TPRG1: variants seen among roughly 807,000 people sequenced by gnomAD.
TPRG1 encodes tumor protein p63 regulated 1.
TPRG1 carries 29 observed loss-of-function variants against 29.3 expected under a neutral mutation model. That is an observed-to-expected ratio of 0.99 (90% CI 0.74 to 1.35). TPRG1 has a LOEUF of 1.35. TPRG1 is among the 40% of genes most tolerant of loss of function. TPRG1 has a pLI of 0.00. For synonymous variants in TPRG1, 130 were observed against 116.8 expected (o/e 1.11, Z -0.73); for missense variants, 327 against 335.0 (o/e 0.98, Z 0.19).
Position 189,321,540 on chromosome 3 carries a change from A to G in TPRG1, c.*720A>G, listed in dbSNP as rs1724319011. ...ACTTGAAGCTCATTCTCTTATCAAAATTGTTCATGTATTCCTCCTTTCCAT... is the reference window on the plus strand; with the variant it reads ...ACTTGAAGCTCATTCTCTTATCAAAGTTGTTCATGTATTCCTCCTTTCCAT... On this transcript the variant is annotated 3_prime_UTR_variant, in exon 6 of 6. Transcript: ENST00000345063. 6.6e-6 allele frequency: 1 copy of G among 152,024 alleles called. No individual in the cohort carries two copies. The highest frequency in any genetic ancestry group is 1.5e-5 in the Non-Finnish European group (1 of 67,986). The allele number at this position is 152,024 out of a possible 1,614,324, so 9.4% of individuals were successfully genotyped here.
intron 4 of TPRG1, among the ~76,000 whole-genome samples, chr3:189,273,990 G>T (rs1229963959): frequency 6.6e-6 from 1 of 150,954 alleles, no homozygotes; most frequent in African/African-American, 2.5e-5. Context: ...TGGAAATAAT[G>T]TTGTATTTGT....
At chr3:189,281,958 G>A (rs1717213928) in intron 4 of TPRG1, among the ~76,000 whole-genome samples, 1 of 151,962 alleles carries the variant, frequency 6.6e-6, no homozygotes, top group Non-Finnish European at 1.5e-5. Flanking sequence ...TCAGCTCACT[G>A]CAACCTCTGC....
intron 3 of TPRG1, among the ~76,000 whole-genome samples, chr3:189,144,051 C>T (rs572491690): frequency 2.0e-5 from 3 of 152,342 alleles, no homozygotes; most frequent in Middle Eastern, 3.4e-3. Flanking sequence ...TGGAAACATT[C>T]TCATGTCAGT....
At chr3:189,128,508 A>G (rs1223411304) in intron 2 of TPRG1, among the ~76,000 whole-genome samples, 1 of 152,218 alleles carries the variant, frequency 6.6e-6, no homozygotes, top group African/African-American at 2.4e-5. Flanking sequence ...CTGGAGTCCT[A>G]TATTTTATCT....
intron 4 of TPRG1, among the ~76,000 whole-genome samples, chr3:189,149,077 T>C (rs73055412): frequency 6.6e-6 from 1 of 152,322 alleles, no homozygotes; most frequent in African/African-American, 2.4e-5. Context: ...AGGTTCTAGA[T>C]CTTTTTCTAT....
intron 1 of TPRG1, among the ~76,000 whole-genome samples, chr3:189,124,540 T>TTGTGTA (rs75399094): frequency 0.053 from 7,876 of 149,930 alleles, 678 homozygotes; most frequent in African/African-American, 0.18. Flanking sequence ...ACAAAGGACT[T>TTGTGTA]TGTGTGTGTG....
intron 5 of TPRG1, among the ~76,000 whole-genome samples, chr3:189,152,636 TCCTACCC>T (rs1560492802): frequency 1.4e-4 from 20 of 147,004 alleles, no homozygotes; most frequent in Middle Eastern, 3.5e-3. Context: ...AAAGTAGGAT[TCCTACCC>T]GCCATTATTA....
At chr3:189,246,350 G>A (rs1741385395) in intron 4 of TPRG1, among the ~76,000 whole-genome samples, 1 of 152,100 alleles carries the variant, frequency 6.6e-6, no homozygotes, top group East Asian at 1.9e-4. Flanking sequence ...CTTCATAGCA[G>A]TATAAAAAGG....
At chr3:189,192,276 C>G (rs1243024508) in intron 1 of TPRG1, among the ~76,000 whole-genome samples, 1 of 152,204 alleles carries the variant, frequency 6.6e-6, no homozygotes, top group Non-Finnish European at 1.5e-5. Flanking sequence ...ACTCTCTTAG[C>G]TAAATTCCCT....
rs1724257639 is a variant in TPRG1, at chr3:189,320,930, C to T, written c.*110C>T. On this transcript the variant is annotated 3_prime_UTR_variant, in exon 6 of 6. Coordinates refer to ENST00000345063, the MANE Select transcript of TPRG1 (RefSeq NM_198485.4). ...AACAATTAATTATTTTTAAATGACGCTTTATGATTTAGAAATTTAGTATTT... is the reference window on the plus strand; with the variant it reads ...AACAATTAATTATTTTTAAATGACGTTTTATGATTTAGAAATTTAGTATTT... 4 of 1,038,360 alleles carry T rather than the reference C, an allele frequency of 3.9e-6. No homozygotes were observed. Among genetic ancestry groups the T allele is most frequent in the Non-Finnish European group, 5.3e-6 (4 of 751,998 alleles). The allele number at this position is 1,038,360 out of a possible 1,614,324, so 64.3% of individuals were successfully genotyped here.
chr3:189,063,249 A>G (rs984671218), intron 4 of TPRG1, among the ~76,000 whole-genome samples: 1 of 152,138 alleles, frequency 6.6e-6, no homozygotes, highest in Non-Finnish European at 1.5e-5. Flanking sequence ...GAGCTTCAAA[A>G]TGCATAAAGC....
chr3:189,027,499 T>C (rs1312757433), intron 4 of TPRG1, among the ~76,000 whole-genome samples: 1 of 152,248 alleles, frequency 6.6e-6, no homozygotes, highest in Non-Finnish European at 1.5e-5. Context: ...AAAGTCTATG[T>C]AGAAATATAA....
At chr3:189,310,610 A>G in intron 5 of TPRG1, 71 bp downstream of exon 5, 1 of 912,218 alleles carries the variant, frequency 1.1e-6, no homozygotes, top group Non-Finnish European at 1.5e-6. Context: ...AGGGACGTGT[A>G]CTCCTAAACA....
At chr3:189,291,161 A>G (rs577025290) in intron 4 of TPRG1, among the ~76,000 whole-genome samples, 2 of 152,206 alleles carry the variant, frequency 1.3e-5, no homozygotes, top group East Asian at 1.9e-4. Flanking sequence ...TCAGCCTCCC[A>G]AAGTGCTGAG....
intron 4 of TPRG1, among the ~76,000 whole-genome samples, chr3:189,027,383 A>T (rs1035945796): frequency 1.3e-5 from 2 of 152,248 alleles, no homozygotes; most frequent in Non-Finnish European, 1.5e-5. Flanking sequence ...AAAAGTTTAC[A>T]TCTGGACTAA....
chr3:189,003,930 A>C (rs1712158030), intron 2 of TPRG1, among the ~76,000 whole-genome samples: 1 of 152,108 alleles, frequency 6.6e-6, no homozygotes, highest in Non-Finnish European at 1.5e-5. Flanking sequence ...TTTATACCAT[A>C]GGGCTGAGAA....
rs573382632 is a variant in TPRG1 at position 189,026,812 on chromosome 3, G to A, written c.-463+2866G>A. Among the ~76,000 whole-genome samples, 7 of 152,256 alleles carry A rather than the reference G, an allele frequency of 4.6e-5. No individual in the cohort carries two copies. The South Asian group carries it at 8.3e-4, about 18-fold the overall frequency. Reference sequence around the variant, plus strand: ...CTGTGCTATAGACAGTCACATTGGCGAAGGATGGATTGAAAGACGAAGGAG... The same window carrying A: ...CTGTGCTATAGACAGTCACATTGGCAAAGGATGGATTGAAAGACGAAGGAG... On this transcript the variant is annotated intron_variant, in intron 4 of 10. Transcript: ENST00000433971.
chr3:189,075,220 C>A (rs1717085918), intron 4 of TPRG1, among the ~76,000 whole-genome samples: 1 of 152,120 alleles, frequency 6.6e-6, no homozygotes, highest in Admixed American at 6.5e-5. Context: ...GCAACCTCTG[C>A]CTCCCGGGTG....
chr3:188,998,623 G>A (rs760228401), intron 1 of TPRG1, among the ~76,000 whole-genome samples: 6 of 152,204 alleles, frequency 3.9e-5, no homozygotes, highest in Non-Finnish European at 7.3e-5. Flanking sequence ...CACATACACA[G>A]TGGAATACTA....
Sources: gnomAD v4.1 joint callset for allele counts (sites outside exome capture counted in the v4.1 genomes callset) on GRCh38, gnomAD v4.1.1 for gene constraint, MANE v1.5 for transcripts, NCBI Gene and HGNC (gene_info 2026-07-23, HGNC 2026-07-21) for gene names.